ZNF506: variants seen among roughly 807,000 people sequenced by gnomAD.
ZNF506 encodes the protein zinc finger protein 506.
A neutral mutation model predicts 11.6 loss-of-function variants in ZNF506; 10 were observed. That is an observed-to-expected ratio of 0.86 (90% CI 0.53 to 1.46). The LOEUF (loss-of-function observed/expected upper bound fraction) is 1.46. Ranked by LOEUF, ZNF506 falls within the 40% of genes most tolerant of loss-of-function variation. The pLI is 0.00. For synonymous variants in ZNF506, 156 were observed against 173.3 expected, an observed-to-expected ratio of 0.90 and a Z score of 0.78; for missense variants, 425 against 521.2, an observed-to-expected ratio of 0.82 and a Z score of 1.80.
At chr19:19,805,867 A>G (rs1182447901) in intron 3 of ZNF506, among the ~76,000 whole-genome samples, 164 bp downstream of exon 3, 2 of 152,098 alleles carry the variant, frequency 1.3e-5, no homozygotes, top group African/African-American at 2.4e-5. Context: ...TCTTTGTGAG[A>G]GCAAAATTAA....
chr19:19,808,415 G>T (rs932036090), intron 1 of ZNF506, among the ~76,000 whole-genome samples: 1 of 151,334 alleles, frequency 6.6e-6, no homozygotes, highest in Non-Finnish European at 1.5e-5. Context: ...GAGCCACTCT[G>T]CCCAGCCAAT....
intron 1 of ZNF506, among the ~76,000 whole-genome samples, chr19:19,807,966 G>GA: frequency 6.6e-6 from 1 of 151,540 alleles, no homozygotes; most frequent in South Asian, 2.1e-4. Flanking sequence ...AAATATGTAG[G>GA]AAAAAAATAA....
chr19:19,807,358 A>G (rs1377869216), intron 1 of ZNF506, among the ~76,000 whole-genome samples: 1 of 152,232 alleles, frequency 6.6e-6, no homozygotes, highest in African/African-American at 2.4e-5. Flanking sequence ...TGGTATATTT[A>G]CATCATACGG....
intron 1 of ZNF506, among the ~76,000 whole-genome samples, chr19:19,810,385 A>G (rs1262108041): frequency 6.6e-6 from 1 of 152,214 alleles, no homozygotes; most frequent in Non-Finnish European, 1.5e-5. Flanking sequence ...GTACACATTT[A>G]CTAATGCAAT....
chr19:19,813,330 T>C (rs934504313), intron 1 of ZNF506, among the ~76,000 whole-genome samples: 2 of 152,204 alleles, frequency 1.3e-5, no homozygotes, highest in Non-Finnish European at 2.9e-5. Flanking sequence ...GAACTAGTCA[T>C]AATGTATGTA....
chr19:19,800,391 A>AATATATATATATTTATATAT (rs2062780179), intron 3 of ZNF506, among the ~76,000 whole-genome samples: 1 of 139,244 alleles, frequency 7.2e-6, no homozygotes, highest in Non-Finnish European at 1.5e-5. Flanking sequence ...AACTAAACAG[A>AATATATATATATTTATATAT]ATATATATAT....
chr19:19,800,391 A>AATATATATAT (rs3062863), intron 3 of ZNF506, among the ~76,000 whole-genome samples: 19 of 139,238 alleles, frequency 1.4e-4, no homozygotes, highest in East Asian at 1.2e-3. Flanking sequence ...AACTAAACAG[A>AATATATATAT]ATATATATAT....
rs1318082106 is a variant in ZNF506 at position 19,794,241 on chromosome 19, C to G, written c.*311G>C. The G allele has an allele frequency of 5.0e-6, 1 of 198,278 alleles. No individual in the cohort carries two copies. The highest frequency in any genetic ancestry group is 2.4e-5 in the African/African-American group (1 of 42,336). 12.3% of individuals were successfully genotyped at this position (198,278 alleles called of 1,614,324 possible). ...AGGAGAATGGCTTGATACCAGGAGG[C>G]AGAAGTTGCAGTGAGCTGAGATCGT... On this transcript the variant is annotated 3_prime_UTR_variant, in exon 4 of 4. Transcript: ENST00000540806.
chr19:19,794,421 A>T lies in ZNF506; in HGVS notation c.*131T>A. 2.1e-6 allele frequency: 2 copies of T among 965,038 alleles called. No homozygotes were observed. The highest frequency in any genetic ancestry group is 3.0e-6 in the Non-Finnish European group (2 of 661,928). The allele number at this position is 965,038 out of a possible 1,614,324, so 59.8% of individuals were successfully genotyped here. On this transcript the variant is annotated 3_prime_UTR_variant, in exon 4 of 4. Transcript: ENST00000540806. ...TAATAAGGGTTGAGAACTTCCTTAA[A>T]AAGCTTTGTCACATTCTTTATATTT...
At chr19:19,814,240 A>G (rs575108111) in intron 1 of ZNF506, among the ~76,000 whole-genome samples, 1 of 151,756 alleles carries the variant, frequency 6.6e-6, no homozygotes. Flanking sequence ...GAAACCCCGT[A>G]TCTACTAAAG....
In ZNF506 at chr19:19,806,093, C is replaced by G; in HGVS notation, c.164G>C (p.Cys55Ser). ...IVVSKPNLITCLEQGKKPLTM... is the reference protein window; with the variant it reads ...IVVSKPNLITSLEQGKKPLTM... ...TAAAGGTTTTTTTCCTTGCTCCAGA[C>G]AGGTGATCAGGTTTGGTTTAGAGAC... Residue 55 changes from cysteine to serine, a missense_variant, in exon 3 of 4, where the codon TGT becomes TCT. This residue lies in a region of ZNF506 where 226 missense variants were observed against 279.1 expected (regional missense o/e 0.81). Transcript: ENST00000540806. 1.2e-6 allele frequency: 2 copies of G among 1,606,420 alleles called. No individual in the cohort carries two copies. Among genetic ancestry groups the G allele is most frequent in the East Asian group, 2.2e-5 (1 of 44,762 alleles).
chr19:19,816,964 A>AT (rs916269122), intron 1 of ZNF506, among the ~76,000 whole-genome samples: 7 of 150,236 alleles, frequency 4.7e-5, no homozygotes, highest in Non-Finnish European at 1.0e-4. Flanking sequence ...CGCCTGCCTA[A>AT]TTTTTTTTGT....
intron 1 of ZNF506, among the ~76,000 whole-genome samples, chr19:19,814,726 G>A (rs1436159539): frequency 2.0e-5 from 3 of 152,108 alleles, no homozygotes; most frequent in Non-Finnish European, 2.9e-5. Context: ...TCCCTGGGTG[G>A]GAGAGAGTGC....
chr19:19,815,974 A>G (rs1017291682), intron 1 of ZNF506, among the ~76,000 whole-genome samples: 4 of 152,130 alleles, frequency 2.6e-5, no homozygotes, highest in African/African-American at 9.7e-5. Context: ...AATCCTGGAA[A>G]ATTTTTCTGA....
intron 3 of ZNF506, among the ~76,000 whole-genome samples, chr19:19,802,580 A>C (rs1422756075): frequency 6.6e-6 from 1 of 152,242 alleles, no homozygotes; most frequent in East Asian, 1.9e-4. Flanking sequence ...TATAGGCTGA[A>C]GAAAGTTGAT....
intron 1 of ZNF506, among the ~76,000 whole-genome samples, chr19:19,808,954 C>G (rs531446174): frequency 6.6e-6 from 1 of 152,046 alleles, no homozygotes; most frequent in South Asian, 2.1e-4. Flanking sequence ...ACTTAGCTCC[C>G]TAGAGAGCAG....
chr19:19,794,784 G>C lies in ZNF506; in HGVS notation c.1103C>G (p.Pro368Arg). ...KHKRAHTGEKPYKCEECGKAF... is the reference protein window; with the variant it reads ...KHKRAHTGEKRYKCEECGKAF... ...TTTGCCACATTCTTCACACTTGTAG[G>C]GTTTCTCTCCAGTATGAGCTCTCTT... Residue 368 changes from proline (P) to arginine (R), a missense_variant, in exon 4 of 4, where the codon CCC becomes CGC. Around this residue, in one of 3 missense-constraint regions of ZNF506, gnomAD observed 192 missense variants for 215.7 expected, o/e 0.89. Transcript: ENST00000540806. 6.2e-7 allele frequency: 1 copy of C among 1,613,964 alleles called. No homozygotes were observed. Among genetic ancestry groups the C allele is most frequent in the South Asian group, 1.1e-5 (1 of 91,070 alleles).
At chr19:19,817,024 C>A (rs1215927814) in intron 1 of ZNF506, among the ~76,000 whole-genome samples, 1 of 151,824 alleles carries the variant, frequency 6.6e-6, no homozygotes, top group African/African-American at 2.4e-5. Flanking sequence ...TGGTCTGAAA[C>A]CCCTGACCTC....
At chr19:19,809,654 C>A (rs1033642320) in intron 1 of ZNF506, among the ~76,000 whole-genome samples, 1 of 152,168 alleles carries the variant, frequency 6.6e-6, no homozygotes, top group African/African-American at 2.4e-5. Flanking sequence ...GATTCAGGAA[C>A]AATGAGCTGC....
Sources: allele counts gnomAD v4.1 joint callset (sites outside exome capture counted in the v4.1 genomes callset), GRCh38; gene constraint gnomAD v4.1.1; regional missense constraint gnomAD v4.1.1; transcripts MANE v1.5; gene names NCBI Gene and HGNC (gene_info 2026-07-23, HGNC 2026-07-21).